FHIT: variants seen among roughly 807,000 people sequenced by gnomAD.
The protein encoded by FHIT is bis(5'-adenosyl)-triphosphatase.
Under a neutral mutation model 17.9 loss-of-function variants are expected in FHIT, and 19 were observed. That is an observed-to-expected ratio of 1.06 (90% CI 0.74 to 1.56). FHIT has a LOEUF of 1.56. FHIT is among the 40% of genes most tolerant of loss of function. The pLI is 0.00. For synonymous variants in FHIT, 81 were observed against 69.7 expected, an observed-to-expected ratio of 1.16 and a Z score of -0.81; for missense variants, 248 against 189.2, an observed-to-expected ratio of 1.31 and a Z score of -1.82.
intron 4 of FHIT, among the ~76,000 whole-genome samples, chr3:60,810,784 G>A (rs1411092973): frequency 6.6e-6 from 1 of 152,172 alleles, no homozygotes; most frequent in Non-Finnish European, 1.5e-5. Context: ...AGCTTTCTGA[G>A]CCATGAATCC....
At chr3:60,996,398 C>T (rs116461129) in intron 3 of FHIT, among the ~76,000 whole-genome samples, 2,041 of 152,280 alleles carry the variant, frequency 0.013, 46 homozygotes, top group African/African-American at 0.046. Flanking sequence ...ATCTATAACT[C>T]TATCTTGTCA....
chr3:61,184,097 T>C (rs918365205), intron 2 of FHIT, among the ~76,000 whole-genome samples: 21 of 152,014 alleles, frequency 1.4e-4, no homozygotes, highest in Admixed American at 1.1e-3. Context: ...CTGATGCCTA[T>C]AATATTTTTC....
intron 3 of FHIT, among the ~76,000 whole-genome samples, chr3:60,974,032 T>C (rs1710134774): frequency 6.6e-6 from 1 of 152,186 alleles, no homozygotes; most frequent in African/African-American, 2.4e-5. Context: ...TTCAAAATCA[T>C]GCACACAATT....
intron 3 of FHIT, among the ~76,000 whole-genome samples, chr3:60,944,238 A>C (rs930465321): frequency 5.9e-5 from 9 of 152,214 alleles, no homozygotes; most frequent in Admixed American, 3.3e-4. Context: ...AATATGCTTT[A>C]GGTTTTTATG....
intron 5 of FHIT, among the ~76,000 whole-genome samples, chr3:60,075,319 T>C (rs552266822): frequency 1.3e-5 from 2 of 152,150 alleles, no homozygotes; most frequent in South Asian, 4.1e-4. Flanking sequence ...GACAGTACAG[T>C]TCCTCAGCCA....
At chr3:60,616,593 C>G (rs1020682331) in intron 4 of FHIT, among the ~76,000 whole-genome samples, 2 of 150,872 alleles carry the variant, frequency 1.3e-5, no homozygotes, top group Non-Finnish European at 3.0e-5. Context: ...ACATTAATGC[C>G]AAAAATTTAA....
chr3:61,082,615 CCA>C (rs1290491560), intron 2 of FHIT, among the ~76,000 whole-genome samples: 5 of 152,010 alleles, frequency 3.3e-5, no homozygotes, highest in Non-Finnish European at 7.4e-5. Context: ...CTAAATATTG[CCA>C]GTTTTCTAAA....
At chr3:60,662,841 C>A (rs1553691515) in intron 4 of FHIT, among the ~76,000 whole-genome samples, 1 of 151,850 alleles carries the variant, frequency 6.6e-6, no homozygotes, top group East Asian at 1.9e-4. Flanking sequence ...TTTTCTCCCA[C>A]ATTTATTTTT....
rs74792166 is a variant in FHIT, at chr3:60,383,521, T to C, written c.103+153339A>G. On this transcript the variant is annotated intron_variant, in intron 5 of 9. Transcript: ENST00000492590. ...TTCTGCTAAATATACTTCAATGCACTGGAAAACTTCCTGCAACAAAGAATT... is the reference window on the plus strand; with the variant it reads ...TTCTGCTAAATATACTTCAATGCACCGGAAAACTTCCTGCAACAAAGAATT... Among the ~76,000 whole-genome samples, 673 of 152,134 alleles carry C rather than the reference T, an allele frequency of 4.4e-3. 2 individuals are homozygous for C. The highest frequency in any genetic ancestry group is 7.6e-3 in the Non-Finnish European group (515 of 68,012).
intron 3 of FHIT, among the ~76,000 whole-genome samples, chr3:60,873,407 C>G (rs1553755499): frequency 1.3e-5 from 2 of 152,218 alleles, no homozygotes; most frequent in African/African-American, 4.8e-5. Flanking sequence ...AAAGTAAGCA[C>G]TCAGCGCCGT....
intron 3 of FHIT, among the ~76,000 whole-genome samples, chr3:61,023,820 C>G: frequency 6.6e-6 from 1 of 152,058 alleles, no homozygotes; most frequent in East Asian, 1.9e-4. Context: ...AACTGGATCC[C>G]TTCCTTACTC....
chr3:60,584,548 C>T (rs2107684820), intron 4 of FHIT, among the ~76,000 whole-genome samples: 1 of 152,136 alleles, frequency 6.6e-6, no homozygotes, highest in Non-Finnish European at 1.5e-5. Flanking sequence ...ATCCCAAATG[C>T]ATTCCCCTTT....
intron 2 of FHIT, among the ~76,000 whole-genome samples, chr3:61,049,890 A>G (rs1398855258): frequency 6.6e-6 from 1 of 152,146 alleles, no homozygotes; most frequent in East Asian, 1.9e-4. Context: ...CTCCTTATAC[A>G]TGGAGGAAAG....
intron 8 of FHIT, among the ~76,000 whole-genome samples, chr3:59,778,511 A>G (rs947522856): frequency 5.3e-5 from 8 of 152,192 alleles, no homozygotes; most frequent in Non-Finnish European, 1.0e-4. Flanking sequence ...AGGGCCAGAG[A>G]GTAACTATTT....
chr3:59,884,504 A>G (rs1370491451), intron 8 of FHIT, among the ~76,000 whole-genome samples: 1 of 152,160 alleles, frequency 6.6e-6, no homozygotes, highest in African/African-American at 2.4e-5. Flanking sequence ...CAACTTTATT[A>G]TGGTTGGAAA....
chr3:60,396,367 A>G (rs1276501245), intron 5 of FHIT, among the ~76,000 whole-genome samples: 1 of 152,158 alleles, frequency 6.6e-6, no homozygotes. Flanking sequence ...GTTTTCTGAT[A>G]AGTTTATGAG....
At chr3:60,299,812 A>T (rs1169695158) in intron 5 of FHIT, among the ~76,000 whole-genome samples, 1 of 152,076 alleles carries the variant, frequency 6.6e-6, no homozygotes, top group Admixed American at 6.6e-5. Flanking sequence ...TTTGGCTCCC[A>T]CTTGGCCTTT....
intron 3 of FHIT, among the ~76,000 whole-genome samples, chr3:60,987,185 A>C (rs1710753898): frequency 6.6e-6 from 1 of 152,210 alleles, no homozygotes; most frequent in Non-Finnish European, 1.5e-5. Context: ...CTAGTGCAAA[A>C]TCCTAAGCAA....
intron 5 of FHIT, among the ~76,000 whole-genome samples, chr3:60,087,359 T>A (rs1043038851): frequency 1.2e-4 from 19 of 152,176 alleles, no homozygotes; most frequent in African/African-American, 4.3e-4. Flanking sequence ...TCCATTTTAA[T>A]CATGCTAATC....
Sources: gnomAD v4.1 joint callset for allele counts (sites outside exome capture counted in the v4.1 genomes callset) on GRCh38, gnomAD v4.1.1 for gene constraint, MANE v1.5 for transcripts, NCBI Gene and HGNC (gene_info 2026-07-23, HGNC 2026-07-21) for gene names.